The following UBE2E2 variants were observed in gnomAD, a reference collection of about 807,000 sequenced individuals.
The protein encoded by UBE2E2 is ubiquitin conjugating enzyme E2 E2, also known as ubiquitin-conjugating enzyme E2 E2.
In UBE2E2, 6 loss-of-function variants were observed where a neutral mutation model predicts 24.7. The observed-to-expected ratio is 0.24, with a 90% CI of 0.13 to 0.48. UBE2E2 has a LOEUF of 0.48. Ranked by LOEUF, UBE2E2 falls within the 20% of genes least tolerant of loss-of-function variation. UBE2E2 has a pLI of 0.99. For missense variants in UBE2E2, 169 were observed against 245.0 expected (o/e 0.69, Z 2.07); for synonymous variants, 104 against 83.6 (o/e 1.24, Z -1.33).
intron 5 of UBE2E2, among the ~76,000 whole-genome samples, chr3:23,548,948 T>C (rs1446819575): frequency 6.6e-6 from 1 of 152,192 alleles, no homozygotes; most frequent in Non-Finnish European, 1.5e-5. Context: ...CCATCAGCTC[T>C]CAAAAGAGGT....
chr3:23,505,554 A>G (rs1694427010), intron 4 of UBE2E2, among the ~76,000 whole-genome samples: 1 of 152,216 alleles, frequency 6.6e-6, no homozygotes, highest in Admixed American at 6.5e-5. Flanking sequence ...TTTGTGCCTC[A>G]GGTGTTTTAT....
At chr3:23,286,856 C>A (rs913443241) in intron 3 of UBE2E2, among the ~76,000 whole-genome samples, 13 of 152,020 alleles carry the variant, frequency 8.6e-5, no homozygotes, top group African/African-American at 2.9e-4. Flanking sequence ...AGAGAGCTTT[C>A]ACTTCTTAGA....
At chr3:23,324,309 A>T (rs74700422) in intron 3 of UBE2E2, among the ~76,000 whole-genome samples, 1,883 of 152,206 alleles carry the variant, frequency 0.012, 20 homozygotes, top group Middle Eastern at 0.027. Flanking sequence ...TGTCACTCAT[A>T]TTTGTCTAAA....
chr3:23,337,227 C>T (rs1400703652), intron 3 of UBE2E2, among the ~76,000 whole-genome samples: 1 of 151,854 alleles, frequency 6.6e-6, no homozygotes, highest in Admixed American at 6.6e-5. Flanking sequence ...CAGAAAGGAT[C>T]CAGAAGTCTT....
At chr3:23,386,625 T>G (rs966687920) in intron 3 of UBE2E2, among the ~76,000 whole-genome samples, 2 of 152,248 alleles carry the variant, frequency 1.3e-5, no homozygotes, top group Non-Finnish European at 2.9e-5. Flanking sequence ...AAATGTATAA[T>G]GAGTTTTTAA....
intron 3 of UBE2E2, among the ~76,000 whole-genome samples, chr3:23,251,689 G>C (rs534660655): frequency 6.6e-6 from 1 of 152,128 alleles, no homozygotes; most frequent in Non-Finnish European, 1.5e-5. Flanking sequence ...AAACCATAAA[G>C]CATGTATGCA....
rs1490270361 is a variant in UBE2E2 at position 23,503,146 on chromosome 3, T to C, written c.360+3406T>C. Among the ~76,000 whole-genome samples the C allele has an allele frequency of 3.3e-5, 5 of 151,918 alleles. No homozygotes were observed. The South Asian group carries it at 1.0e-3, about 32-fold the overall frequency. ...TTTAAGGTAGAAGTTGCTTTGTTTT[T>C]TGGGGTTTTTTTTTTGTCATTTGGT... On this transcript the variant is annotated intron_variant, in intron 4 of 5. Transcript: ENST00000396703.
At chr3:23,568,345 G>C (rs1696125739) in intron 5 of UBE2E2, among the ~76,000 whole-genome samples, 2 of 152,146 alleles carry the variant, frequency 1.3e-5, no homozygotes, top group Admixed American at 1.3e-4. Flanking sequence ...CTAGTTACTA[G>C]TGGGTGGACT....
chr3:23,471,827 A>G (rs1699037397), intron 3 of UBE2E2, among the ~76,000 whole-genome samples: 1 of 152,222 alleles, frequency 6.6e-6, no homozygotes, highest in Non-Finnish European at 1.5e-5. Context: ...ACAAAGTGGG[A>G]GACCACATTT....
At chr3:23,307,289 A>G (rs1443123828) in intron 3 of UBE2E2, among the ~76,000 whole-genome samples, 1 of 152,058 alleles carries the variant, frequency 6.6e-6, no homozygotes, top group Non-Finnish European at 1.5e-5. Flanking sequence ...TCATTCTTCA[A>G]GTTGCTTTTT....
chr3:23,409,021 C>T (rs1465816748), intron 3 of UBE2E2, among the ~76,000 whole-genome samples: 2 of 152,018 alleles, frequency 1.3e-5, no homozygotes, highest in Non-Finnish European at 1.5e-5. Flanking sequence ...ATGATTATTA[C>T]ACCATGACAA....
Position 23,414,502 on chromosome 3 carries a change from T to C in UBE2E2, c.228-85106T>C, listed in dbSNP as rs1697577469. Among the ~76,000 whole-genome samples the C allele has an allele frequency of 2.0e-5, 3 of 152,252 alleles. No individual in the cohort carries two copies. The South Asian group carries it at 6.2e-4, about 32-fold the overall frequency. ...GAGTCACCACCTACCAGGCCCCACCTCCAACAATGGGGATTACAGTTGAAC... is the reference window on the plus strand; with the variant it reads ...GAGTCACCACCTACCAGGCCCCACCCCCAACAATGGGGATTACAGTTGAAC... On this transcript the variant is annotated intron_variant, in intron 3 of 5. Coordinates refer to ENST00000396703, the MANE Select transcript of UBE2E2 (RefSeq NM_152653.4).
At chr3:23,351,838 T>C (rs552037731) in intron 3 of UBE2E2, among the ~76,000 whole-genome samples, 12 of 152,132 alleles carry the variant, frequency 7.9e-5, no homozygotes, top group South Asian at 2.1e-4. Flanking sequence ...GACAGAAAGT[T>C]AACAAGGATA....
chr3:23,449,352 A>G (rs570607155), intron 3 of UBE2E2, among the ~76,000 whole-genome samples: 1 of 152,334 alleles, frequency 6.6e-6, no homozygotes, highest in East Asian at 1.9e-4. Flanking sequence ...TGACCATTAC[A>G]TCATCATTAT....
At chr3:23,519,178 A>G (rs1694806889) in intron 4 of UBE2E2, among the ~76,000 whole-genome samples, 1 of 152,154 alleles carries the variant, frequency 6.6e-6, no homozygotes. Flanking sequence ...TCATATATCA[A>G]GCAAGAATTA....
chr3:23,449,810 A>G, intron 3 of UBE2E2: 9 of 956,692 alleles, frequency 9.4e-6, no homozygotes, highest in Non-Finnish European at 1.1e-5. Context: ...CAACGGGGAA[A>G]AGTTTTAAAG....
intron 5 of UBE2E2, among the ~76,000 whole-genome samples, chr3:23,574,951 T>G (rs1696313159): frequency 6.6e-6 from 1 of 152,176 alleles, no homozygotes. Context: ...TGAAACTTTT[T>G]GAGCACCTAC....
intron 3 of UBE2E2, among the ~76,000 whole-genome samples, chr3:23,346,225 A>C (rs1695551039): frequency 1.3e-5 from 2 of 152,240 alleles, no homozygotes; most frequent in African/African-American, 2.4e-5. Flanking sequence ...GACATACAAC[A>C]ATAGTGTTCT....
At chr3:23,248,653 GT>G (rs1697486667) in intron 3 of UBE2E2, among the ~76,000 whole-genome samples, 1 of 152,208 alleles carries the variant, frequency 6.6e-6, no homozygotes, top group Non-Finnish European at 1.5e-5. Context: ...TAATTTAAGA[GT>G]GCAAGTGAGA....
Sources: allele counts gnomAD v4.1 joint callset (sites outside exome capture counted in the v4.1 genomes callset), GRCh38; gene constraint gnomAD v4.1.1; transcripts MANE v1.5; gene names NCBI Gene and HGNC (gene_info 2026-07-23, HGNC 2026-07-21).